The following CCAR1 variants were observed in gnomAD, a reference collection of about 807,000 sequenced individuals.
CCAR1 encodes the protein cell division cycle and apoptosis regulator 1, also known as cell division cycle and apoptosis regulator protein 1.
CCAR1 carries 78 observed loss-of-function variants against 163.8 expected under a neutral mutation model. The ratio of observed to expected loss-of-function variants is 0.48; its 90% CI spans 0.40 to 0.57. The LOEUF is 0.57. Among genes scored for constraint, CCAR1 ranks in the 20% least tolerant of loss-of-function variants. CCAR1 has a pLI of 0.00. For synonymous variants in CCAR1, 443 were observed against 460.7 expected (o/e 0.96, Z 0.49); for missense variants, 1,019 against 1,365.2 (o/e 0.75, Z 4.00).
intron 2 of CCAR1, among the ~76,000 whole-genome samples, chr10:68,732,582 C>A (rs1256204836): frequency 2.0e-5 from 3 of 152,160 alleles, no homozygotes; most frequent in African/African-American, 7.2e-5. Flanking sequence ...CTCCTGTCCT[C>A]AGGTGATCTG....
intron 19 of CCAR1, among the ~76,000 whole-genome samples, chr10:68,783,903 C>A (rs1453774185): frequency 6.6e-6 from 1 of 151,744 alleles, no homozygotes; most frequent in Admixed American, 6.6e-5. Flanking sequence ...TACAGGCGGC[C>A]GCCACCACGC....
chr10:68,788,481 T>A (rs1329016169), intron 23 of CCAR1, among the ~76,000 whole-genome samples, 153 bp downstream of exon 23: 1 of 152,128 alleles, frequency 6.6e-6, no homozygotes, highest in Non-Finnish European at 1.5e-5. Flanking sequence ...CTTTTTAAAA[T>A]TTTTTATTAT....
intron 18 of CCAR1, among the ~76,000 whole-genome samples, chr10:68,772,372 A>G (rs1472119919): frequency 1.3e-5 from 2 of 151,992 alleles, no homozygotes; most frequent in Non-Finnish European, 2.9e-5. Flanking sequence ...GGTCCCAGCT[A>G]CTTGGGAGGG....
chr10:68,777,943 G>A (rs116292620), intron 19 of CCAR1, among the ~76,000 whole-genome samples: 2,149 of 152,104 alleles, frequency 0.014, 58 homozygotes, highest in African/African-American at 0.049. Flanking sequence ...AAAGAAGGCC[G>A]GGTGCGGTGG....
intron 19 of CCAR1, among the ~76,000 whole-genome samples, chr10:68,781,469 G>A (rs2056735340): frequency 6.6e-6 from 1 of 152,138 alleles, no homozygotes; most frequent in Non-Finnish European, 1.5e-5. Flanking sequence ...CTTGAACCCA[G>A]GATGCAGGTT....
At chr10:68,730,343 A>G (rs570774318) in intron 2 of CCAR1, among the ~76,000 whole-genome samples, 24 of 147,944 alleles carry the variant, frequency 1.6e-4, no homozygotes. Flanking sequence ...ATATATATAT[A>G]TATTTATTTT....
chr10:68,742,253 A>T, intron 5 of CCAR1, 123 bp from the exon 6 acceptor site: 1 of 663,478 alleles, frequency 1.5e-6, no homozygotes, highest in Non-Finnish European at 2.5e-6. Flanking sequence ...CTCAAGATGT[A>T]CATGTATATC....
At chr10:68,727,798 C>A (rs945454163) in intron 2 of CCAR1, among the ~76,000 whole-genome samples, 1 of 152,008 alleles carries the variant, frequency 6.6e-6, no homozygotes, top group African/African-American at 2.4e-5. Flanking sequence ...TTTAAGTAGC[C>A]CTTATATCAA....
chr10:68,783,298 T>A (rs2056757980), intron 19 of CCAR1, among the ~76,000 whole-genome samples: 1 of 152,008 alleles, frequency 6.6e-6, no homozygotes, highest in African/African-American at 2.4e-5. Context: ...CATGCCATTC[T>A]CCTGTCTCAG....
intron 19 of CCAR1, among the ~76,000 whole-genome samples, chr10:68,774,555 C>T (rs1009652377): frequency 1.3e-5 from 2 of 151,060 alleles, no homozygotes; most frequent in African/African-American, 2.4e-5. Flanking sequence ...GGCTTGAACT[C>T]GGGAGGCAGA....
At chr10:68,761,936 T>C (rs1271684201) in intron 16 of CCAR1, among the ~76,000 whole-genome samples, 6 of 152,132 alleles carry the variant, frequency 3.9e-5, no homozygotes, top group Non-Finnish European at 8.8e-5. Context: ...AATTTACTTA[T>C]TATAAAATTC....
chr10:68,742,449 C>T lies in CCAR1; in HGVS notation c.398C>T (p.Pro133Leu). 6.2e-7 allele frequency: 1 copy of T among 1,614,176 alleles called. No homozygotes were observed. The highest frequency in any genetic ancestry group is 8.5e-7 in the Non-Finnish European group (1 of 1,180,030). Residue 133 changes from proline (P) to leucine (L), a missense_variant, in exon 6 of 25, where the codon CCA (proline) becomes CTA (leucine). Pro to Leu is a moderately conservative substitution (Grantham distance 98). Transcript: ENST00000265872. Reference protein sequence around the residue: ...QPTAQITVSYPTPRSSQQQTQ... With the variant: ...QPTAQITVSYLTPRSSQQQTQ... ...ACAGCACAAATAACTGTATCATATC[C>T]AACACCAAGGTCCAGTCAACAGCAA...
chr10:68,782,375 C>T (rs1349050616), intron 19 of CCAR1, among the ~76,000 whole-genome samples: 1 of 151,850 alleles, frequency 6.6e-6, no homozygotes, highest in Non-Finnish European at 1.5e-5. Context: ...TACGCCACTG[C>T]ACTCAAGCCT....
chr10:68,773,620 C>T (rs973765401), intron 19 of CCAR1, among the ~76,000 whole-genome samples: 11 of 151,604 alleles, frequency 7.3e-5, no homozygotes, highest in Non-Finnish European at 1.3e-4. Context: ...GAGCCAAGAT[C>T]GTGCCATTGC....
At chr10:68,723,388 C>G (rs2055889885) in intron 2 of CCAR1, among the ~76,000 whole-genome samples, 1 of 150,938 alleles carries the variant, frequency 6.6e-6, no homozygotes, top group Non-Finnish European at 1.5e-5. Context: ...CTCGGCCTCC[C>G]GAAGTGCTGG....
chr10:68,748,839 T>A (rs1410616024), intron 8 of CCAR1, among the ~76,000 whole-genome samples: 1 of 151,972 alleles, frequency 6.6e-6, no homozygotes. Flanking sequence ...TCAGCCCCCC[T>A]CTAATTTTTG....
At chr10:68,752,525 G>A (rs2056345309) in intron 10 of CCAR1, among the ~76,000 whole-genome samples, 3 of 152,076 alleles carry the variant, frequency 2.0e-5, no homozygotes, top group Admixed American at 2.0e-4. Flanking sequence ...ACAAAACTCA[G>A]ATACTTGTTT....
chr10:68,755,214 G>T (rs774539425), intron 12 of CCAR1, 156 bp from the exon 13 acceptor site: 1 of 779,002 alleles, frequency 1.3e-6, no homozygotes, highest in Non-Finnish European at 2.3e-6. Context: ...CTGAAATGCA[G>T]TGTGGAACAC....
intron 8 of CCAR1, among the ~76,000 whole-genome samples, chr10:68,748,043 A>G (rs1451859561): frequency 6.6e-6 from 1 of 152,134 alleles, no homozygotes; most frequent in Non-Finnish European, 1.5e-5. Context: ...TAGTAGATAC[A>G]GGGTTTCACC....
Sources: gnomAD v4.1 joint callset for allele counts (sites outside exome capture counted in the v4.1 genomes callset) on GRCh38, gnomAD v4.1.1 for gene constraint, MANE v1.5 for transcripts, NCBI Gene and HGNC (gene_info 2026-07-23, HGNC 2026-07-21) for gene names.